Variants in MAGI2 observed in about 807,000 individuals in gnomAD.
MAGI2 encodes membrane-associated guanylate kinase, WW and PDZ domain-containing protein 2.
A neutral mutation model predicts 133.3 loss-of-function variants in MAGI2; 35 were observed. The ratio of observed to expected loss-of-function variants is 0.26; its 90% CI spans 0.20 to 0.35. The LOEUF (loss-of-function observed/expected upper bound fraction) is 0.35. Ranked by LOEUF, MAGI2 falls within the 10% of genes least tolerant of loss-of-function variation. MAGI2 has a pLI of 1.00. For missense variants in MAGI2, 1,636 were observed against 1,863.4 expected, an observed-to-expected ratio of 0.88 and a Z score of 2.25; for synonymous variants, 729 against 710.6, an observed-to-expected ratio of 1.03 and a Z score of -0.41.
At chr7:79,105,821 A>C (rs1303641941) in intron 1 of MAGI2, among the ~76,000 whole-genome samples, 1 of 151,832 alleles carries the variant, frequency 6.6e-6, no homozygotes, top group Non-Finnish European at 1.5e-5. Context: ...AAAATACTGC[A>C]ATGTTCACCT....
In MAGI2 at chr7:79,057,110, A is replaced by G. The variant is rs148146051; in HGVS notation, c.302-49904T>C. Among the ~76,000 whole-genome samples the G allele has an allele frequency of 3.5e-3, 536 of 152,292 alleles. 2 individuals carry two copies. Among genetic ancestry groups the G allele is most frequent in the African/African-American group, 0.013 (521 of 41,562 alleles). ...ACATTCTTTTTCAAGCTCACAGAAC[A>G]TCTTGTAAATATCTGCCACTTGACA... On this transcript the variant is annotated intron_variant, in intron 1 of 21. Transcript: ENST00000354212.
At chr7:78,837,359 G>C (rs544306756) in intron 2 of MAGI2, among the ~76,000 whole-genome samples, 1 of 152,188 alleles carries the variant, frequency 6.6e-6, no homozygotes, top group Middle Eastern at 3.4e-3. Flanking sequence ...TGCTTGGTTT[G>C]ATTAAATCAT....
In MAGI2 at chr7:78,402,929, T is replaced by C. The variant is rs571367325; in HGVS notation, c.1046-33716A>G. 9.8e-5 allele frequency among the ~76,000 whole-genome samples: 15 copies of C among 152,320 alleles called. 2 individuals carry two copies. The South Asian group carries it at 3.1e-3, about 32-fold the overall frequency. ...AAAATATATTGGTATAAATTTAACA[T>C]ATTACTTATCAAATTTGATTTTCTT... On this transcript the variant is annotated intron_variant, in intron 6 of 21. Coordinates refer to ENST00000354212, the MANE Select transcript of MAGI2 (RefSeq NM_012301.4).
chr7:79,436,241 A>G (rs1848137865), intron 1 of MAGI2, among the ~76,000 whole-genome samples: 1 of 151,678 alleles, frequency 6.6e-6, no homozygotes, highest in African/African-American at 2.4e-5. Context: ...AAAAAAAAAA[A>G]AGTCCTTGAA....
Position 78,655,996 on chromosome 7 carries a change from AAG to A in MAGI2, c.419-28759_419-28758del, listed in dbSNP as rs1367434937. Among the ~76,000 whole-genome samples the A allele has an allele frequency of 9.9e-4, 147 of 148,962 alleles. 11 individuals are homozygous for A. Among genetic ancestry groups the A allele is most frequent in the African/African-American group, 3.2e-3 (132 of 40,970 alleles). ...ACTCCGTCTCAAAAAAAAAAAAAAA[AAG>A]AAAAAGAAAAGAGGTTTGAAAAAAT... is the stretch of plus-strand genomic sequence containing the variant. On this transcript the variant is annotated intron_variant, in intron 2 of 21. Transcript: ENST00000354212.
intron 6 of MAGI2, among the ~76,000 whole-genome samples, chr7:78,489,205 G>A (rs1011676369): frequency 1.8e-4 from 28 of 151,918 alleles, no homozygotes; most frequent in Admixed American, 5.9e-4. Flanking sequence ...TCACATGCAC[G>A]AAAACGGTCT....
chr7:78,159,969 T>C (rs1824805912), intron 16 of MAGI2, 56 bp downstream of exon 16: 2 of 1,512,266 alleles, frequency 1.3e-6, no homozygotes, highest in Admixed American at 2.1e-5. Flanking sequence ...TCTGTATCAC[T>C]GGAACAAATC....
At chr7:79,414,487 T>C (rs1846361582) in intron 1 of MAGI2, 1 of 152,166 alleles carries the variant, frequency 6.6e-6, no homozygotes, top group Admixed American at 6.6e-5. Context: ...ATGTGACCCG[T>C]GCTGGTGTCA....
chr7:79,217,432 A>G (rs916632174), intron 1 of MAGI2, among the ~76,000 whole-genome samples: 2 of 152,054 alleles, frequency 1.3e-5, no homozygotes, highest in African/African-American at 4.8e-5. Flanking sequence ...TATTTTCTCT[A>G]TGGTAGGTAT....
chr7:78,334,218 T>C (rs1207893797), intron 9 of MAGI2, among the ~76,000 whole-genome samples: 3 of 152,158 alleles, frequency 2.0e-5, no homozygotes, highest in Non-Finnish European at 4.4e-5. Flanking sequence ...GGGAAATCAC[T>C]GGATGACCAT....
chr7:78,596,448 T>C (rs2150863609), intron 3 of MAGI2, among the ~76,000 whole-genome samples: 1 of 152,202 alleles, frequency 6.6e-6, no homozygotes, highest in Admixed American at 6.5e-5. Context: ...ACATGCAAAA[T>C]ATAACGTGGT....
intron 3 of MAGI2, among the ~76,000 whole-genome samples, chr7:78,591,302 A>G (rs1338054063): frequency 1.3e-5 from 2 of 152,238 alleles, no homozygotes; most frequent in African/African-American, 4.8e-5. Context: ...AAGGGATTAT[A>G]AAAGGTTTTA....
At chr7:79,254,541 A>T (rs911989593) in intron 1 of MAGI2, among the ~76,000 whole-genome samples, 10 of 152,234 alleles carry the variant, frequency 6.6e-5, no homozygotes, top group Admixed American at 5.2e-4. Context: ...TGATGTAAAG[A>T]GTAACTAAGA....
chr7:79,017,028 T>A (rs1808804827), intron 1 of MAGI2, among the ~76,000 whole-genome samples: 1 of 152,258 alleles, frequency 6.6e-6, no homozygotes, highest in Admixed American at 6.5e-5. Flanking sequence ...CTGTTGCAAG[T>A]GCCCCAACAA....
chr7:78,991,333 CA>C (rs1805761503), intron 2 of MAGI2, among the ~76,000 whole-genome samples: 1 of 151,854 alleles, frequency 6.6e-6, no homozygotes, highest in Admixed American at 6.6e-5. Flanking sequence ...CACACACACA[CA>C]CACACCCCTA....
At chr7:78,714,948 T>C (rs1440556802) in intron 2 of MAGI2, among the ~76,000 whole-genome samples, 1 of 152,226 alleles carries the variant, frequency 6.6e-6, no homozygotes, top group Non-Finnish European at 1.5e-5. Flanking sequence ...CCTCCATGAC[T>C]AAAGCGCTAG....
chr7:78,967,414 T>G (rs926065412), intron 2 of MAGI2, among the ~76,000 whole-genome samples: 4 of 152,100 alleles, frequency 2.6e-5, no homozygotes, highest in Non-Finnish European at 5.9e-5. Flanking sequence ...CTTTTTATTG[T>G]GTCAATTGTT....
chr7:78,973,145 C>A (rs1037756029), intron 2 of MAGI2, among the ~76,000 whole-genome samples: 1 of 151,894 alleles, frequency 6.6e-6, no homozygotes, highest in Admixed American at 6.6e-5. Context: ...CAATTATGCT[C>A]TGGGGTGTTT....
intron 1 of MAGI2, among the ~76,000 whole-genome samples, chr7:79,377,078 AT>A (rs547464602): frequency 6.6e-6 from 1 of 151,818 alleles, no homozygotes; most frequent in Admixed American, 6.6e-5. Flanking sequence ...TTTTTAAAAT[AT>A]TTTTTGTGTT....
Sources: allele counts gnomAD v4.1 joint callset (sites outside exome capture counted in the v4.1 genomes callset), GRCh38; gene constraint gnomAD v4.1.1; transcripts MANE v1.5; gene names NCBI Gene and HGNC (gene_info 2026-07-23, HGNC 2026-07-21).